Variants in SMAD2 observed in about 807,000 individuals in gnomAD.
SMAD2 encodes the protein MAD homolog 2.
SMAD2 carries 8 observed loss-of-function variants against 64.4 expected under a neutral mutation model. The ratio of observed to expected loss-of-function variants is 0.12; its 90% confidence interval spans 0.07 to 0.22. The LOEUF (loss-of-function observed/expected upper bound fraction) is 0.22. Ranked by LOEUF, SMAD2 falls within the 10% of genes least tolerant of loss-of-function variation. The pLI is 1.00. For missense variants in SMAD2, 289 were observed against 561.2 expected (o/e 0.51, Z 4.90); for synonymous variants, 203 against 195.8 (o/e 1.04, Z -0.31).
In SMAD2 at chr18:47,839,760, A is replaced by G. The variant is rs1377482253; in HGVS notation, c.*2067T>C. ...TAATACCTAATCAGGAGTTTCCTTT[A>G]GTGTGAACCTTTTTGCATTTGATGC... On this transcript the variant is annotated 3_prime_UTR_variant, in exon 11 of 11. Transcript: ENST00000262160. 4.3e-6 allele frequency: 1 copy of G among 233,174 alleles called. No individual in the cohort carries two copies. Among genetic ancestry groups the G allele is most frequent in the Non-Finnish European group, 8.5e-6 (1 of 118,046 alleles). The allele number at this position is 233,174 out of a possible 1,614,324, so 14.4% of individuals were successfully genotyped here. A position where few individuals can be genotyped will look rare whatever the true frequency, so the allele number is the denominator to read the frequency against.
chr18:47,879,859 G>C (rs530208391), intron 2 of SMAD2, among the ~76,000 whole-genome samples: 2 of 152,266 alleles, frequency 1.3e-5, no homozygotes, highest in Non-Finnish European at 2.9e-5. Context: ...GGTGTGGTCA[G>C]TCTTTAAATT....
rs1007386791 is a variant in SMAD2 at position 47,831,484 on chromosome 18, A to G, written c.*10343T>C. 1 of 152,260 alleles carries G rather than the reference A, an allele frequency of 6.6e-6. No homozygotes were observed. Among genetic ancestry groups the G allele is most frequent in the Non-Finnish European group, 1.5e-5 (1 of 68,054 alleles). 9.4% of individuals were successfully genotyped at this position (152,260 alleles called of 1,614,324 possible). On this transcript the variant is annotated 3_prime_UTR_variant, in exon 11 of 11. Coordinates refer to ENST00000262160, the MANE Select transcript of SMAD2 (RefSeq NM_005901.6). ...AGAACTTAAATAATTTTATTTTCAC[A>G]TAACATTTAGAAAGGTGCAGAGGCA... is the stretch of plus-strand genomic sequence containing the variant.
At chr18:47,863,820 T>C (rs925273182) in intron 6 of SMAD2, among the ~76,000 whole-genome samples, 10 of 152,242 alleles carry the variant, frequency 6.6e-5, no homozygotes, top group Non-Finnish European at 1.0e-4. Flanking sequence ...GGCCACAATA[T>C]GTTAACTCTG....
At chr18:47,862,372 C>T (rs2031250170) in intron 6 of SMAD2, among the ~76,000 whole-genome samples, 1 of 152,114 alleles carries the variant, frequency 6.6e-6, no homozygotes, top group South Asian at 2.1e-4. Context: ...ACCTAAGTCC[C>T]AAGACAAGGT....
In SMAD2 at chr18:47,815,159, T is replaced by G. The variant is rs1912325919; in HGVS notation, c.*26668A>C. ...AAGCTAGGAAGAACCTTTGAAAAGC[T>G]GAGCATTTATCCAAAGAGATGGTTT... On this transcript the variant is annotated 3_prime_UTR_variant, in exon 11 of 11. Transcript: ENST00000262160. 1 of 152,264 alleles carries G rather than the reference T, an allele frequency of 6.6e-6. No individual in the cohort carries two copies. The highest frequency in any genetic ancestry group is 6.5e-5 in the Admixed American group (1 of 15,284). The allele number at this position is 152,264 out of a possible 1,614,324, so 9.4% of individuals were successfully genotyped here.
intron 6 of SMAD2, among the ~76,000 whole-genome samples, chr18:47,863,020 G>C (rs1018988231): frequency 2.6e-5 from 4 of 151,810 alleles, no homozygotes; most frequent in African/African-American, 9.7e-5. Flanking sequence ...ACAAGTGCTT[G>C]TTCGTACACT....
At position 47,820,352 on chromosome 18, in the gene SMAD2, T is replaced by C. The variant is rs909058901; in HGVS notation, c.*21475A>G. ...TAAAATTTGAAAATACACAATTCCATATACAAAGTGTACCCAAAAAAAGAT... is the reference window on the plus strand; with the variant it reads ...TAAAATTTGAAAATACACAATTCCACATACAAAGTGTACCCAAAAAAAGAT... On this transcript the variant is annotated 3_prime_UTR_variant, in exon 11 of 11. Coordinates refer to ENST00000262160, the MANE Select transcript of SMAD2 (RefSeq NM_005901.6). 4 of 152,166 alleles carry C rather than the reference T, an allele frequency of 2.6e-5. No individual in the cohort carries two copies. The South Asian group carries it at 8.3e-4, about 32-fold the overall frequency. 9.4% of individuals were successfully genotyped at this position (152,166 alleles called of 1,614,324 possible).
intron 2 of SMAD2, 24 bp downstream of exon 2, chr18:47,896,497 A>C: frequency 6.2e-7 from 1 of 1,612,990 alleles, no homozygotes; most frequent in Non-Finnish European, 8.5e-7. Flanking sequence ...AATTTGATCA[A>C]ACCTGGGATC....
Position 47,848,767 on chromosome 18 carries a change from C to T in SMAD2, c.785-80G>A, listed in dbSNP as rs368276908. On this transcript the variant is annotated intron_variant, in intron 7 of 10. Coordinates refer to ENST00000262160, the MANE Select transcript of SMAD2 (RefSeq NM_005901.6). ...AAGCCAAAAATAGATTTAATATAAT[C>T]ATCTTTACATGCTCTATGCCAGCCT... 1.2e-4 allele frequency: 113 copies of T among 982,328 alleles called. 1 individual carries two copies. In the East Asian group the frequency reaches 2.3e-3, roughly 20 times the overall value. 60.9% of individuals were successfully genotyped at this position (982,328 alleles called of 1,614,324 possible).
At chr18:47,855,736 C>T (rs1021086632) in intron 6 of SMAD2, among the ~76,000 whole-genome samples, 1 of 152,114 alleles carries the variant, frequency 6.6e-6, no homozygotes, top group Non-Finnish European at 1.5e-5. Context: ...ATTTTCTCAC[C>T]TTGGCCTCCT....
chr18:47,871,232 A>G (rs2031914257), intron 2 of SMAD2, among the ~76,000 whole-genome samples: 1 of 152,180 alleles, frequency 6.6e-6, no homozygotes, highest in Non-Finnish European at 1.5e-5. Flanking sequence ...CAGTGAGAGA[A>G]GGGAAAGAGA....
chr18:47,917,791 A>C (rs1219383183), intron 1 of SMAD2, among the ~76,000 whole-genome samples: 1 of 152,168 alleles, frequency 6.6e-6, no homozygotes, highest in Admixed American at 6.5e-5. Context: ...GGACTCAACC[A>C]ATCCTCCTGC....
At chr18:47,903,760 T>C (rs760536710) in intron 1 of SMAD2, among the ~76,000 whole-genome samples, 1 of 150,486 alleles carries the variant, frequency 6.6e-6, no homozygotes, top group African/African-American at 2.5e-5. Context: ...AAATGAAAAC[T>C]ATAGTATTAG....
intron 1 of SMAD2, among the ~76,000 whole-genome samples, chr18:47,925,519 T>C (rs1477074105): frequency 6.6e-6 from 1 of 152,180 alleles, no homozygotes; most frequent in Non-Finnish European, 1.5e-5. Flanking sequence ...AAAAATTATA[T>C]TCTCCCTACA....
At chr18:47,929,287 T>G (rs904057922) in intron 1 of SMAD2, among the ~76,000 whole-genome samples, 16 of 152,202 alleles carry the variant, frequency 1.1e-4, no homozygotes, top group Non-Finnish European at 1.5e-5. Flanking sequence ...TTCAGCATAA[T>G]AAGAGCAAAT....
At chr18:47,894,630 T>A (rs1453326248) in intron 2 of SMAD2, among the ~76,000 whole-genome samples, 2 of 152,170 alleles carry the variant, frequency 1.3e-5, no homozygotes, top group Non-Finnish European at 2.9e-5. Context: ...TCACCAGTAT[T>A]CCTCCAGAAG....
At chr18:47,871,020 T>C (rs893312985) in intron 2 of SMAD2, among the ~76,000 whole-genome samples, 1 of 152,212 alleles carries the variant, frequency 6.6e-6, no homozygotes, top group Non-Finnish European at 1.5e-5. Context: ...TTTCAGGTTA[T>C]CTGGTCATGA....
chr18:47,850,752 TATATATATA>T, intron 7 of SMAD2, among the ~76,000 whole-genome samples: 3 of 14,956 alleles, frequency 2.0e-4, no homozygotes, highest in African/African-American at 8.0e-4. Context: ...TATTATATAT[TATATATATA>T]TTATATACAT....
chr18:47,924,336 A>T (rs562883982), intron 1 of SMAD2, among the ~76,000 whole-genome samples: 57 of 152,234 alleles, frequency 3.7e-4, no homozygotes, highest in African/African-American at 1.3e-3. Context: ...TCTAGTCAAC[A>T]AAAGAGTTTC....
Sources: allele counts gnomAD v4.1 joint callset (sites outside exome capture counted in the v4.1 genomes callset), GRCh38; gene constraint gnomAD v4.1.1; transcripts MANE v1.5; gene names NCBI Gene and HGNC (gene_info 2026-07-23, HGNC 2026-07-21).